The following EGFL6 variants were observed in gnomAD, a reference collection of about 807,000 sequenced individuals.
EGFL6 encodes the protein EGF like domain multiple 6.
A neutral mutation model predicts 43.1 loss-of-function variants in EGFL6; 42 were observed. The ratio of observed to expected loss-of-function variants is 0.98; its 90% CI spans 0.76 to 1.26. The LOEUF (loss-of-function observed/expected upper bound fraction) is 1.26. Ranked by LOEUF, EGFL6 falls within the 50% of genes most tolerant of loss-of-function variation. EGFL6 has a pLI of 0.00. For missense variants in EGFL6, 429 were observed against 427.8 expected (o/e 1.00, Z -0.02); for synonymous variants, 164 against 163.2 (o/e 1.01, Z -0.04).
chrX:13,607,545 C>T, intron 6 of EGFL6, among the ~76,000 whole-genome samples: 1 of 111,306 alleles, frequency 9.0e-6, no homozygotes, highest in Non-Finnish European at 1.9e-5. Context: ...CTCCTGCAGA[C>T]CAAACCAGCC....
chrX:13,593,692 T>G (rs2045579577), intron 2 of EGFL6, among the ~76,000 whole-genome samples: 1 of 111,961 alleles, frequency 8.9e-6, no homozygotes, highest in South Asian at 3.8e-4. Flanking sequence ...GCTAGATAGA[T>G]AGTTGTTCAA....
At chrX:13,630,695 T>G (rs1444304941) in intron 11 of EGFL6, among the ~76,000 whole-genome samples, 6 of 112,305 alleles carry the variant, frequency 5.3e-5, no homozygotes, top group Non-Finnish European at 1.1e-4. Context: ...TACTGAGCAG[T>G]CATAGACCCT....
At chrX:13,573,824 A>G (rs2045456192) in intron 1 of EGFL6, among the ~76,000 whole-genome samples, 1 of 112,411 alleles carries the variant, frequency 8.9e-6, no homozygotes, top group Admixed American at 9.4e-5. Flanking sequence ...AAAAAAAGTG[A>G]ATACAGAAAA....
chrX:13,580,241 T>C (rs1160509075), intron 1 of EGFL6, among the ~76,000 whole-genome samples: 1 of 111,648 alleles, frequency 9.0e-6, no homozygotes, highest in Non-Finnish European at 1.9e-5. Flanking sequence ...CCCTATTTTC[T>C]TTCTTATTTA....
chrX:13,602,513 T>G (rs966240673), intron 4 of EGFL6, among the ~76,000 whole-genome samples: 2 of 112,130 alleles, frequency 1.8e-5, no homozygotes, highest in African/African-American at 3.2e-5. Flanking sequence ...GATTTTACTC[T>G]CACACTTGTG....
intron 9 of EGFL6, among the ~76,000 whole-genome samples, chrX:13,621,887 C>G (rs1047865088): frequency 8.9e-6 from 1 of 112,479 alleles, no homozygotes; most frequent in Admixed American, 9.3e-5. Context: ...AAAGAATGTG[C>G]CTGTGAGACC....
intron 8 of EGFL6, among the ~76,000 whole-genome samples, chrX:13,618,914 C>G (rs1214961841): frequency 9.0e-6 from 1 of 111,107 alleles, no homozygotes; most frequent in Non-Finnish European, 1.9e-5. Flanking sequence ...ATTTCCAAAA[C>G]CTAGTATGAA....
chrX:13,588,508 C>A (rs776478482), intron 1 of EGFL6, among the ~76,000 whole-genome samples: 1 of 111,609 alleles, frequency 9.0e-6, no homozygotes, highest in South Asian at 3.8e-4. Flanking sequence ...CTGGTAGCAA[C>A]CCTGTCCAAT....
intron 11 of EGFL6, among the ~76,000 whole-genome samples, chrX:13,632,717 A>T (rs1400975419): frequency 9.0e-6 from 1 of 111,552 alleles, no homozygotes; most frequent in Non-Finnish European, 1.9e-5. Flanking sequence ...TTAAATGTGA[A>T]TTCCAAAATT....
chrX:13,578,966 G>A lies in EGFL6; in HGVS notation c.74+9031G>A, dbSNP rs1007394529. ...ATAAATAAAAATTTAGTGGCTTAAA[G>A]CAACATTTATTATTTCACACATTTT... On this transcript the variant is annotated intron_variant, in intron 1 of 11. Coordinates refer to ENST00000361306, the MANE Select transcript of EGFL6 (RefSeq NM_015507.4). 1.4e-4 allele frequency among the ~76,000 whole-genome samples: 16 copies of A among 111,430 alleles called. No homozygotes were observed. The Admixed American group carries it at 1.5e-3, about 11-fold the overall frequency.
rs1483767258 is a variant in EGFL6, at chrX:13,625,966, A to G, written c.1286-1045A>G. Among the ~76,000 whole-genome samples, 7 of 110,644 alleles carry G rather than the reference A, an allele frequency of 6.3e-5. No homozygotes were observed. The Admixed American group carries it at 6.7e-4, about 11-fold the overall frequency. ...CATTATTAAAGGGATAAAACCACAA[A>G]GACAGCTCAAAGCGGACTTTATCTG... is the stretch of plus-strand genomic sequence containing the variant. On this transcript the variant is annotated intron_variant, in intron 10 of 11. Coordinates refer to ENST00000361306, the MANE Select transcript of EGFL6 (RefSeq NM_015507.4).
chrX:13,594,791 C>G lies in EGFL6; in HGVS notation c.188-45C>G, dbSNP rs371179375. ...GAAGTTTTGCGTGCATTTCACTACA[C>G]TAACTACTGTTCTTTTATCATCAAG... On this transcript the variant is annotated intron_variant, in intron 2 of 11. Transcript: ENST00000361306. The G allele has an allele frequency of 3.5e-4, 405 of 1,156,470 alleles. 2 individuals are homozygous for G. The highest frequency in any genetic ancestry group is 4.5e-4 in the Non-Finnish European group (382 of 849,817).
chrX:13,619,387 G>C, intron 9 of EGFL6, 144 bp downstream of exon 9: 1 of 501,823 alleles, frequency 2.0e-6, no homozygotes, highest in Admixed American at 3.1e-5. Context: ...CACACACAGT[G>C]CCAGTATTAA....
intron 1 of EGFL6, among the ~76,000 whole-genome samples, chrX:13,577,388 A>G (rs928048280): frequency 2.9e-5 from 3 of 103,628 alleles, no homozygotes; most frequent in African/African-American, 1.0e-4. Context: ...CAATGAATAT[A>G]TGTCTATATG....
intron 3 of EGFL6, among the ~76,000 whole-genome samples, chrX:13,595,494 G>A (rs1049285191): frequency 9.0e-6 from 1 of 111,679 alleles, no homozygotes; most frequent in Non-Finnish European, 1.9e-5. Context: ...TTTTAAGGCT[G>A]TATCCTAGTC....
chrX:13,577,327 TATATATATATATATAC>T (rs1447318954), intron 1 of EGFL6, among the ~76,000 whole-genome samples: 660 of 16,708 alleles, frequency 0.04, 15 homozygotes, highest in African/African-American at 0.1. Flanking sequence ...TATATATATA[TATATATATATATATAC>T]ATACACACAC....
intron 1 of EGFL6, among the ~76,000 whole-genome samples, chrX:13,584,574 A>C (rs897118796): frequency 1.1e-4 from 12 of 111,800 alleles, no homozygotes; most frequent in African/African-American, 3.9e-4. Flanking sequence ...TGAGTACTCA[A>C]AATCAGCATG....
intron 2 of EGFL6, among the ~76,000 whole-genome samples, chrX:13,590,511 A>G (rs1436726346): frequency 8.9e-6 from 1 of 111,907 alleles, no homozygotes; most frequent in Non-Finnish European, 1.9e-5. Flanking sequence ...TTTATCTATT[A>G]AATGGGATAA....
intron 3 of EGFL6, among the ~76,000 whole-genome samples, chrX:13,599,748 GTGT>G (rs2045621206): frequency 9.1e-6 from 1 of 110,191 alleles, no homozygotes; most frequent in South Asian, 3.9e-4. Flanking sequence ...GTTTTCCAAA[GTGT>G]TGTACCAATT....
Sources: gnomAD v4.1 joint callset for allele counts (sites outside exome capture counted in the v4.1 genomes callset) on GRCh38, gnomAD v4.1.1 for gene constraint, MANE v1.5 for transcripts, NCBI Gene and HGNC (gene_info 2026-07-23, HGNC 2026-07-21) for gene names.